Variants in GPHN observed in about 807,000 individuals in gnomAD.
GPHN encodes the protein gephyrin.
A neutral mutation model predicts 95.5 loss-of-function variants in GPHN; 17 were observed. The observed-to-expected ratio is 0.18, with a 90% CI of 0.12 to 0.27. GPHN has a LOEUF of 0.27. Ranked by LOEUF, GPHN falls within the 10% of genes least tolerant of loss-of-function variation. The pLI is 1.00. For synonymous variants in GPHN, 320 were observed against 322.5 expected (o/e 0.99, Z 0.08); for missense variants, 660 against 978.1 (o/e 0.67, Z 4.34).
At chr14:67,624,495 G>A in the GPHN span, among the ~76,000 whole-genome samples, 28 of 152,274 alleles carry the variant, frequency 1.8e-4, no homozygotes, top group Non-Finnish European at 2.6e-4. Context: ...TAATCATGGC[G>A]GAAGGTGAAG....
intron 12 of GPHN, among the ~76,000 whole-genome samples, chr14:67,093,438 T>C (rs534459763): frequency 6.6e-6 from 1 of 152,082 alleles, no homozygotes; most frequent in Admixed American, 6.6e-5. Flanking sequence ...TTGTATCCAT[T>C]TGAATCCTCT....
chr14:67,606,341 G>T, the GPHN span, among the ~76,000 whole-genome samples: 1 of 152,182 alleles, frequency 6.6e-6, no homozygotes, highest in Non-Finnish European at 1.5e-5. Context: ...AACACACCTG[G>T]CTTTTATGTG....
Position 67,181,267 on chromosome 14 carries a change from A to T in GPHN, c.*330A>T. 2.2e-6 allele frequency: 1 copy of T among 450,150 alleles called. No homozygotes were observed. Among genetic ancestry groups the T allele is most frequent in the Non-Finnish European group, 4.1e-6 (1 of 242,524 alleles). The allele number at this position is 450,150 out of a possible 1,614,324, so 27.9% of individuals were successfully genotyped here. On this transcript the variant is annotated 3_prime_UTR_variant, in exon 23 of 23. Transcript: ENST00000478722. ...AGAACTTGTGTTTTTCTCATCTTTA[A>T]AATACAACTACTTATGCTCTTAAAT...
chr14:66,660,236 TAGAC>T (rs1364539475), intron 1 of GPHN, among the ~76,000 whole-genome samples: 1 of 152,152 alleles, frequency 6.6e-6, no homozygotes, highest in East Asian at 1.9e-4. Flanking sequence ...AGACTCACAT[TAGAC>T]AGTGAGTCTG....
chr14:67,067,866 T>G (rs980563253), intron 11 of GPHN, among the ~76,000 whole-genome samples: 1 of 152,196 alleles, frequency 6.6e-6, no homozygotes, highest in Admixed American at 6.5e-5. Flanking sequence ...TGTCACGGCT[T>G]CCCTTGGCTA....
At position 66,530,953 on chromosome 14, in the gene GPHN, A is replaced by ATTTTT. The variant is rs569763873; in HGVS notation, c.64+22378_64+22382dup. On this transcript the variant is annotated intron_variant, in intron 1 of 22. Coordinates refer to ENST00000478722, the MANE Select transcript of GPHN (RefSeq NM_020806.5). ...CACTGTTTTCTTGTTTGTTTGTTAGATTTTTTTTTTTTTTTTTTTTGATAC... is the reference window on the plus strand; with the variant it reads ...CACTGTTTTCTTGTTTGTTTGTTAGATTTTTTTTTTTTTTTTTTTTTTTTTGATAC... Among the ~76,000 whole-genome samples the ATTTTT allele has an allele frequency of 3.0e-4, 36 of 121,146 alleles. 2 individuals carry two copies. The highest frequency in any genetic ancestry group is 6.5e-4 in the African/African-American group (20 of 30,696). 79.5% of individuals were successfully genotyped at this position (121,146 alleles called of 152,430 possible).
intron 1 of GPHN, among the ~76,000 whole-genome samples, chr14:66,511,865 A>G (rs1259563846): frequency 6.6e-6 from 1 of 152,008 alleles, no homozygotes; most frequent in Non-Finnish European, 1.5e-5. Flanking sequence ...GGAAAATGAG[A>G]ACATATATGT....
intron 4 of GPHN, among the ~76,000 whole-genome samples, chr14:66,843,362 A>G (rs1293149947): frequency 6.6e-6 from 1 of 152,076 alleles, no homozygotes; most frequent in Non-Finnish European, 1.5e-5. Context: ...TGCCCAATCT[A>G]TGCCTGTAAC....
the GPHN span, among the ~76,000 whole-genome samples, chr14:67,351,246 T>C: frequency 2.0e-5 from 3 of 152,120 alleles, no homozygotes; most frequent in Non-Finnish European, 4.4e-5. Flanking sequence ...CCCAGGTCTA[T>C]ATGGAAATTT....
At chr14:67,175,084 A>C (rs954130288) in intron 21 of GPHN, among the ~76,000 whole-genome samples, 1 of 152,180 alleles carries the variant, frequency 6.6e-6, no homozygotes, top group East Asian at 1.9e-4. Flanking sequence ...TAGTTTAATT[A>C]GATCCCATTT....
intron 17 of GPHN, among the ~76,000 whole-genome samples, chr14:67,137,303 G>A (rs1044653526): frequency 1.3e-5 from 2 of 151,524 alleles, no homozygotes; most frequent in African/African-American, 4.8e-5. Flanking sequence ...CCGCCACCAC[G>A]CCCGGCTAAT....
chr14:67,324,107 A>G, the GPHN span, among the ~76,000 whole-genome samples: 1 of 152,078 alleles, frequency 6.6e-6, no homozygotes, highest in Non-Finnish European at 1.5e-5. Context: ...AGGATTACTG[A>G]CTTTTCTCTG....
the GPHN span, chr14:67,695,617 CA>C: frequency 6.2e-7 from 1 of 1,612,060 alleles, no homozygotes; most frequent in Non-Finnish European, 8.5e-7. Flanking sequence ...GAAGGCAATA[CA>C]TTTGCACAGA....
At chr14:67,569,627 C>T in the GPHN span, 13 of 481,690 alleles carry the variant, frequency 2.7e-5, no homozygotes, top group East Asian at 2.2e-4. Context: ...GTCCCATAGC[C>T]GTATGATTTG....
the GPHN span, among the ~76,000 whole-genome samples, chr14:67,265,392 A>G: frequency 6.6e-6 from 1 of 152,072 alleles, no homozygotes. Flanking sequence ...CTCTGTCTCT[A>G]AGAAAATAAA....
At chr14:67,509,027 G>T in the GPHN span, among the ~76,000 whole-genome samples, 4 of 152,142 alleles carry the variant, frequency 2.6e-5, no homozygotes, top group African/African-American at 4.8e-5. Context: ...AATCTGCAAA[G>T]ATAAGCTTCT....
At chr14:66,531,534 A>G (rs1424970400) in intron 1 of GPHN, among the ~76,000 whole-genome samples, 1 of 152,246 alleles carries the variant, frequency 6.6e-6, no homozygotes, top group African/African-American at 2.4e-5. Flanking sequence ...AATACATGAC[A>G]AACTCAAAGA....
At chr14:67,640,394 A>G in the GPHN span, among the ~76,000 whole-genome samples, 1 of 152,226 alleles carries the variant, frequency 6.6e-6, no homozygotes, top group Non-Finnish European at 1.5e-5. Flanking sequence ...AGAATAGGAC[A>G]AAGTTTTCTG....
In GPHN at chr14:67,059,798, C is replaced by T. The variant is rs117541590; in HGVS notation, c.1144+1012C>T. On this transcript the variant is annotated intron_variant, in intron 11 of 22. Transcript: ENST00000478722. ...TATTATACAGTTTGCCCTTATCCTA[C>T]GTCTTTGGTTCACATTCTTTTAGAT... 8.3e-4 allele frequency among the ~76,000 whole-genome samples: 126 copies of T among 152,258 alleles called. 3 individuals carry two copies. The East Asian group carries it at 0.02, about 24-fold the overall frequency.
Sources: allele counts gnomAD v4.1 joint callset (sites outside exome capture counted in the v4.1 genomes callset), GRCh38; gene constraint gnomAD v4.1.1; transcripts MANE v1.5; gene names NCBI Gene and HGNC (gene_info 2026-07-23, HGNC 2026-07-21).